AGO2: variants seen among roughly 807,000 people sequenced by gnomAD.
AGO2 encodes argonaute RISC catalytic component 2.
A neutral mutation model predicts 102.3 loss-of-function variants in AGO2; 5 were observed. The observed-to-expected ratio is 0.05, with a 90% CI of 0.03 to 0.10. AGO2 has a LOEUF of 0.10. Ranked by LOEUF, AGO2 falls within the 10% of genes least tolerant of loss-of-function variation. AGO2 has a pLI of 1.00. For missense variants in AGO2, 541 were observed against 1,183.7 expected (o/e 0.46, Z 7.97); for synonymous variants, 449 against 473.1 (o/e 0.95, Z 0.66).
At chr8:140,536,029 G>A (rs2072689576) in intron 16 of AGO2, among the ~76,000 whole-genome samples, 1 of 152,236 alleles carries the variant, frequency 6.6e-6, no homozygotes, top group South Asian at 2.1e-4. Context: ...ACGCTGTCAG[G>A]AGTGCCTGTG....
chr8:140,556,396 C>T (rs1241776104), intron 8 of AGO2, 110 bp from the exon 9 acceptor site: 41 of 1,402,352 alleles, frequency 2.9e-5, no homozygotes, highest in Non-Finnish European at 3.5e-5. Context: ...CCGTCTCTGC[C>T]TCATCCCTGG....
At chr8:140,632,877 G>A (rs1216592771) in intron 1 of AGO2, among the ~76,000 whole-genome samples, 1 of 151,856 alleles carries the variant, frequency 6.6e-6, no homozygotes, top group East Asian at 1.9e-4. Flanking sequence ...ACAATTGGAA[G>A]TAGCAAAACT....
chr8:140,552,501 TG>T (rs1243655759), intron 10 of AGO2, among the ~76,000 whole-genome samples: 3 of 152,220 alleles, frequency 2.0e-5, no homozygotes, highest in Non-Finnish European at 2.9e-5. Context: ...GAGAGGTTTT[TG>T]TTTTTTTTAG....
Position 140,554,684 on chromosome 8 carries a change from G to GT in AGO2, c.1269+1211dup, listed in dbSNP as rs112929554. Among the ~76,000 whole-genome samples the GT allele has an allele frequency of 6.4e-3, 964 of 150,860 alleles. 9 individuals carry two copies. The highest frequency in any genetic ancestry group is 0.022 in the African/African-American group (889 of 40,480). ...TCTGAAACATTTAAAAAACAGAACT[G>GT]TTTTTTTTAAGTATTTTTTATTTTT... On this transcript the variant is annotated intron_variant, in intron 10 of 18. Coordinates refer to ENST00000220592, the MANE Select transcript of AGO2 (RefSeq NM_012154.5).
intron 1 of AGO2, among the ~76,000 whole-genome samples, chr8:140,635,046 G>T (rs1419482351): frequency 6.7e-6 from 1 of 149,686 alleles, no homozygotes; most frequent in Non-Finnish European, 1.5e-5. Flanking sequence ...GGTCAGGCCG[G>T]GCCGGGCTGC....
At chr8:140,592,235 C>T (rs1162250480) in intron 1 of AGO2, 2 of 152,258 alleles carry the variant, frequency 1.3e-5, no homozygotes, top group African/African-American at 2.4e-5. Flanking sequence ...GAGACCACAG[C>T]ATCTCAACCA....
chr8:140,611,080 G>GTC (rs2074070355), intron 1 of AGO2, among the ~76,000 whole-genome samples: 1 of 152,186 alleles, frequency 6.6e-6, no homozygotes, highest in African/African-American at 2.4e-5. Context: ...GTGGTCCGGG[G>GTC]AGCTTCAGGG....
At chr8:140,585,936 TTC>T (rs2073648284) in intron 1 of AGO2, among the ~76,000 whole-genome samples, 1 of 152,216 alleles carries the variant, frequency 6.6e-6, no homozygotes, top group Admixed American at 6.5e-5. Context: ...CTTACTGTAT[TTC>T]TGACCTAGAA....
chr8:140,588,782 G>A (rs184734451), intron 1 of AGO2, among the ~76,000 whole-genome samples: 1 of 152,270 alleles, frequency 6.6e-6, no homozygotes, highest in Admixed American at 6.5e-5. Context: ...GGGGCCCAGG[G>A]CTGGCGGGCC....
In AGO2 at chr8:140,562,480, A is replaced by G; in HGVS notation, c.491T>C (p.Val164Ala). The part of the protein sequence containing the change: ...VPFETIQALD[V>A]VMRHLPSMRY... ...CATGGATGGCAAGTGCCTCATGACC[A>G]CGTCCAGGGCCTGGATCGTCTCAAA... The change falls in exon 4 of 19, where the codon GTG becomes GCG. Residue 164 changes from valine (V) to alanine (A), a missense_variant. By Grantham distance (64) the Val-to-Ala change is moderately conservative. This residue lies in a region of AGO2 where 26 missense variants were observed against 52.0 expected (regional missense o/e 0.50). Transcript: ENST00000220592. 6.2e-7 allele frequency: 1 copy of G among 1,613,058 alleles called. No homozygotes were observed. The highest frequency in any genetic ancestry group is 8.5e-7 in the Non-Finnish European group (1 of 1,179,742).
At position 140,540,775 on chromosome 8, in the gene AGO2, C is replaced by T. The variant is rs1364617315; in HGVS notation, c.2034+389G>A. ...CCTCTCACACTGCAGACAGGCGTCC[C>T]CAGACGCAATGAGCTCCCCGCCTCG... On this transcript the variant is annotated intron_variant, in intron 15 of 18. Transcript: ENST00000220592. The surrounding 1 kb of genome is among the most constrained non-coding windows in gnomAD (Gnocchi z 5.0). Among the ~76,000 whole-genome samples, 5 of 152,192 alleles carry T rather than the reference C, an allele frequency of 3.3e-5. No individual in the cohort carries two copies. Among genetic ancestry groups the T allele is most frequent in the Admixed American group, 3.3e-4 (5 of 15,282 alleles).
intron 10 of AGO2, among the ~76,000 whole-genome samples, chr8:140,553,945 T>C (rs2073050597): frequency 6.6e-6 from 1 of 151,268 alleles, no homozygotes; most frequent in South Asian, 2.1e-4. Context: ...CAGGTGATCC[T>C]CCTGCCTTGG....
At chr8:140,636,216 C>G (rs914508001), upstream of AGO2, 1 of 151,630 alleles carries the variant, frequency 6.6e-6, no homozygotes, top group Non-Finnish European at 1.5e-5. Context: ...CAGGACCACA[C>G]CGCCACCTCC....
chr8:140,573,518 CT>C (rs2073418474), intron 2 of AGO2, among the ~76,000 whole-genome samples: 2 of 152,166 alleles, frequency 1.3e-5, no homozygotes, highest in African/African-American at 4.8e-5. Context: ...AGACCTGTGG[CT>C]CCTTTGGGCA....
Position 140,539,325 on chromosome 8 carries a change from C to A in AGO2, c.2164G>T (p.Glu722Ter). 1.2e-6 allele frequency: 2 copies of A among 1,606,396 alleles called. No homozygotes were observed. Among genetic ancestry groups the A allele is most frequent in the South Asian group, 1.1e-5 (1 of 90,266 alleles). The stretch of plus-strand genomic sequence containing the variant: ...GGAGTCATGCAGAAACTCACCCGCT[C>A]GTTCTTGTCAGTGCAGAAGAGCCGG... The part of the protein sequence containing the change: ...HTRLFCTDKN[E>*]RVGKSGNIPA... The change falls in exon 16 of 19, where the codon GAG becomes TAG. Residue 722 changes from glutamate to a stop codon, truncating the protein, a stop_gained. Coordinates refer to ENST00000220592, the MANE Select transcript of AGO2 (RefSeq NM_012154.5). LOFTEE classifies it high-confidence loss of function. The surrounding 1 kb of genome is among the most constrained non-coding windows in gnomAD (Gnocchi z 4.7).
At chr8:140,611,617 T>C (rs1041104702) in intron 1 of AGO2, among the ~76,000 whole-genome samples, 1 of 152,042 alleles carries the variant, frequency 6.6e-6, no homozygotes, top group African/African-American at 2.4e-5. Flanking sequence ...CGTGAGCCAC[T>C]GTGCCTGGCC....
At chr8:140,553,360 G>A (rs1226899094) in intron 10 of AGO2, among the ~76,000 whole-genome samples, 1 of 152,038 alleles carries the variant, frequency 6.6e-6, no homozygotes, top group Non-Finnish European at 1.5e-5. Context: ...CTGGAGCCAG[G>A]GCAACAGAGA....
In AGO2 at chr8:140,560,450, G is replaced by A. The variant is rs1325473656; in HGVS notation, c.579C>T (p.Gly193=). The change falls in exon 5 of 19, where the codon GGC becomes GGT. Residue 193 remains glycine, a synonymous_variant. Transcript: ENST00000220592. ...AGCCAAACCACACTTCTCGGCCCCC[G>A]CCAAGAGGGTTAGAGCAGCCTTCGG... ...TASEGCSNPL[G]GGREVWFGFH... 29 of 1,614,116 alleles carry A rather than the reference G, an allele frequency of 1.8e-5. No homozygotes were observed. The highest frequency in any genetic ancestry group is 4.0e-5 in the African/African-American group (3 of 74,946).
chr8:140,640,526 C>CTT (rs368379500), upstream of AGO2, among the ~76,000 whole-genome samples: 1 of 148,356 alleles, frequency 6.7e-6, no homozygotes, highest in African/African-American at 2.5e-5. Flanking sequence ...GCTGGTGTTT[C>CTT]TTTTTTTTTT....
Sources: gnomAD v4.1 joint callset for allele counts (sites outside exome capture counted in the v4.1 genomes callset) on GRCh38, gnomAD v4.1.1 for gene constraint, gnomAD v4.1.1 regional missense constraint, Gnocchi (gnomAD v3.1) non-coding constraint, MANE v1.5 for transcripts, NCBI Gene and HGNC (gene_info 2026-07-23, HGNC 2026-07-21) for gene names.